ELF2: variants seen among roughly 807,000 people sequenced by gnomAD.
ELF2 encodes the protein E74 like ETS transcription factor 2.
A neutral mutation model predicts 54.8 loss-of-function variants in ELF2; 11 were observed. The ratio of observed to expected loss-of-function variants is 0.20; its 90% CI spans 0.13 to 0.33. The LOEUF (loss-of-function observed/expected upper bound fraction) is 0.33, where lower values mean the gene tolerates loss of function less well. ELF2 is among the 10% of genes least tolerant of loss of function. The pLI, the probability that ELF2 is intolerant of heterozygous loss-of-function variation, is 1.00. For missense variants in ELF2, 513 were observed against 703.0 expected, an observed-to-expected ratio of 0.73 and a Z score of 3.06; for synonymous variants, 203 against 245.1, an observed-to-expected ratio of 0.83 and a Z score of 1.61.
intron 4 of ELF2, among the ~76,000 whole-genome samples, chr4:139,098,106 A>G (rs1460985861): frequency 6.6e-6 from 1 of 152,238 alleles, no homozygotes; most frequent in African/African-American, 2.4e-5. Flanking sequence ...TTAAGTTTCT[A>G]TTAGGTTAGG....
intron 6 of ELF2, among the ~76,000 whole-genome samples, chr4:139,070,372 C>A (rs578044448): frequency 6.7e-6 from 1 of 150,218 alleles, no homozygotes; most frequent in Non-Finnish European, 1.5e-5. Flanking sequence ...CTCACTACAA[C>A]CTCCACCTCT....
rs1023080689 is a variant in ELF2 at position 139,091,771 on chromosome 4, T to C, written c.239-18204A>G. Among the ~76,000 whole-genome samples the C allele has an allele frequency of 2.0e-5, 3 of 152,242 alleles. 1 individual carries two copies. The South Asian group carries it at 6.2e-4, about 32-fold the overall frequency. Reference sequence around the variant, plus strand: ...TTGGGACTACAGGCATGAGCCACTGTACCTAGCCAGAAAATAATACTTTTC... The same window carrying C: ...TTGGGACTACAGGCATGAGCCACTGCACCTAGCCAGAAAATAATACTTTTC... On this transcript the variant is annotated intron_variant, in intron 4 of 9. Coordinates refer to ENST00000686138, the MANE Select transcript of ELF2 (RefSeq NM_001331036.3).
At chr4:139,139,386 A>T in intron 2 of ELF2, 27 bp downstream of exon 2, 2 of 1,120,480 alleles carry the variant, frequency 1.8e-6, no homozygotes, top group Non-Finnish European at 1.1e-6. Context: ...AATATATATA[A>T]TAATAGCAGA....
chr4:139,098,644 AT>A (rs1733543731), intron 4 of ELF2, among the ~76,000 whole-genome samples: 1 of 151,758 alleles, frequency 6.6e-6, no homozygotes. Flanking sequence ...AATTTTTTGT[AT>A]TTTTGGTAGA....
Position 139,061,975 on chromosome 4 carries a change from C to A in ELF2, c.696G>T (p.Gln232His). ...NTCPRYIKWTQREKGIFKLVD... is the reference protein window; with the variant it reads ...NTCPRYIKWTHREKGIFKLVD... ...CCAGCTTGAATATGCCTTTTTCTCT[C>A]TGAGTCCATTTAATATACCTGGGAC... Residue 232 changes from glutamine (Q) to histidine (H), a missense_variant, in exon 8 of 10, where the codon CAG becomes CAT. Physicochemically the swap from Gln to His is conservative, Grantham distance 24 (BLOSUM62 0). Transcript: ENST00000686138. 6.2e-7 allele frequency: 1 copy of A among 1,613,944 alleles called. No homozygotes were observed. Among genetic ancestry groups the A allele is most frequent in the Non-Finnish European group, 8.5e-7 (1 of 1,179,928 alleles).
chr4:139,143,170 A>G (rs183863932), intron 1 of ELF2, among the ~76,000 whole-genome samples: 1 of 152,304 alleles, frequency 6.6e-6, no homozygotes, highest in African/African-American at 2.4e-5. Flanking sequence ...AGCTCTCAGC[A>G]CAGTATCAGC....
intron 1 of ELF2, among the ~76,000 whole-genome samples, chr4:139,143,951 TA>T (rs1406399346): frequency 3.3e-5 from 5 of 149,856 alleles, no homozygotes; most frequent in African/African-American, 4.9e-5. Context: ...AAATTTTAAT[TA>T]AAAAAAAAAT....
intron 1 of ELF2, among the ~76,000 whole-genome samples, chr4:139,143,711 C>A (rs1021882816): frequency 6.6e-6 from 1 of 152,136 alleles, no homozygotes; most frequent in Admixed American, 6.5e-5. Flanking sequence ...GCTCGGGAGG[C>A]GGAGGTTGCA....
chr4:139,106,745 T>C (rs1265822695), intron 4 of ELF2, among the ~76,000 whole-genome samples: 3 of 147,784 alleles, frequency 2.0e-5, no homozygotes, highest in Non-Finnish European at 4.5e-5. Context: ...TATTTCTTTT[T>C]TTTTTTTTTT....
intron 9 of ELF2, 140 bp downstream of exon 9, chr4:139,060,184 T>A (rs1347271317): frequency 1.1e-5 from 8 of 761,234 alleles, no homozygotes; most frequent in Admixed American, 3.1e-5. Flanking sequence ...AAAATATAAT[T>A]AAAACATCAA....
chr4:139,155,948 G>C (rs1013799269), intron 1 of ELF2, among the ~76,000 whole-genome samples: 3 of 152,124 alleles, frequency 2.0e-5, no homozygotes, highest in African/African-American at 7.2e-5. Flanking sequence ...AAGAAAAGTT[G>C]CAAGAAAGCT....
In ELF2 at chr4:139,118,497, G is replaced by A. The variant is rs1038302722; in HGVS notation, c.238+6667C>T. On this transcript the variant is annotated intron_variant, in intron 4 of 9. Coordinates refer to ENST00000686138, the MANE Select transcript of ELF2 (RefSeq NM_001331036.3). ...ATAACTAGGAGAATACAGTGTTTCA[G>A]CAGATAAGGCAGCCAGATTATGAAG... Among the ~76,000 whole-genome samples the A allele has an allele frequency of 1.9e-4, 29 of 152,298 alleles. 1 individual carries two copies. The highest frequency in any genetic ancestry group is 6.0e-4 in the African/African-American group (25 of 41,562).
At chr4:139,079,496 G>C (rs994842576) in intron 4 of ELF2, among the ~76,000 whole-genome samples, 1 of 152,202 alleles carries the variant, frequency 6.6e-6, no homozygotes, top group Non-Finnish European at 1.5e-5. Flanking sequence ...CCGGGTCAGA[G>C]AGTTTGGTTT....
intron 4 of ELF2, among the ~76,000 whole-genome samples, chr4:139,075,284 A>T (rs1045584023): frequency 6.6e-6 from 1 of 152,176 alleles, no homozygotes; most frequent in Non-Finnish European, 1.5e-5. Context: ...TAAGCAACTT[A>T]ATCTCTCTCA....
Position 139,065,522 on chromosome 4 carries a change from C to T in ELF2, c.613+2162G>A, listed in dbSNP as rs146430311. Reference sequence around the variant, plus strand: ...ATTATATTTCTGGTTTTAGGGAAAACAGGATTCAGAAAGAGAAGCTTTCTT... The same window carrying T: ...ATTATATTTCTGGTTTTAGGGAAAATAGGATTCAGAAAGAGAAGCTTTCTT... On this transcript the variant is annotated intron_variant, in intron 7 of 9. Transcript: ENST00000686138. Among the ~76,000 whole-genome samples, 279 of 152,224 alleles carry T rather than the reference C, an allele frequency of 1.8e-3. 1 individual carries two copies. The highest frequency in any genetic ancestry group is 6.5e-3 in the African/African-American group (271 of 41,542).
chr4:139,171,324 C>A (rs981437592), intron 1 of ELF2, among the ~76,000 whole-genome samples: 1 of 151,928 alleles, frequency 6.6e-6, no homozygotes, highest in Admixed American at 6.6e-5. Context: ...CTGCTTGAGC[C>A]CAGGAGGTCA....
rs1300970845 is a variant in ELF2, at chr4:139,166,293, A to G, written c.-252+10674T>C. Among the ~76,000 whole-genome samples the G allele has an allele frequency of 8.5e-5, 13 of 152,318 alleles. No homozygotes were observed. The East Asian group carries it at 2.5e-3, about 29-fold the overall frequency. The stretch of plus-strand genomic sequence containing the variant: ...TCCCAGCTGCTTGGGAAGCTGAGAC[A>G]GAAGAATCACTTGAACCCAGGAAGT... On this transcript the variant is annotated intron_variant, in intron 1 of 9. Transcript: ENST00000686138.
chr4:139,139,551 C>G, intron 1 of ELF2, 54 bp from the exon 2 acceptor site: 1 of 1,002,526 alleles, frequency 1.0e-6, no homozygotes, highest in Non-Finnish European at 1.3e-6. Flanking sequence ...TTAAAAAGCA[C>G]TATGCTCAAA....
At chr4:139,125,452 T>C (rs1398162551) in intron 3 of ELF2, 123 bp from the exon 4 acceptor site, 1 of 1,190,748 alleles carries the variant, frequency 8.4e-7, no homozygotes, top group African/African-American at 1.6e-5. Flanking sequence ...ATTATAAATA[T>C]GAATGTAAAA....
Sources: allele counts gnomAD v4.1 joint callset (sites outside exome capture counted in the v4.1 genomes callset), GRCh38; gene constraint gnomAD v4.1.1; transcripts MANE v1.5; gene names NCBI Gene and HGNC (gene_info 2026-07-23, HGNC 2026-07-21).